DTWD2: variants seen among roughly 807,000 people sequenced by gnomAD.
The protein encoded by DTWD2 is tRNA-uridine aminocarboxypropyltransferase 2.
DTWD2 carries 39 observed loss-of-function variants against 31.8 expected under a neutral mutation model. That is an observed-to-expected ratio of 1.22 (90% confidence interval 0.95 to 1.60). The LOEUF is 1.60. DTWD2 is among the 40% of genes most tolerant of loss of function. The pLI is 0.00. For missense variants in DTWD2, 515 were observed against 381.5 expected (o/e 1.35, Z -2.92); for synonymous variants, 180 against 142.8 (o/e 1.26, Z -1.86).
At chr5:118,868,487 G>A (rs537447802) in intron 4 of DTWD2, among the ~76,000 whole-genome samples, 9 of 152,238 alleles carry the variant, frequency 5.9e-5, no homozygotes, top group Non-Finnish European at 2.9e-5. Flanking sequence ...CACAGAATGG[G>A]AGAAAATATT....
At chr5:118,864,990 T>C (rs997562292) in intron 4 of DTWD2, among the ~76,000 whole-genome samples, 1 of 152,090 alleles carries the variant, frequency 6.6e-6, no homozygotes. Flanking sequence ...AAAGTGTTAA[T>C]GAAAGCAAAT....
intron 4 of DTWD2, among the ~76,000 whole-genome samples, chr5:118,862,485 G>C (rs1233040936): frequency 6.6e-6 from 1 of 152,030 alleles, no homozygotes; most frequent in African/African-American, 2.4e-5. Context: ...TTACTTTATT[G>C]TCTTTGTTTA....
intron 4 of DTWD2, among the ~76,000 whole-genome samples, chr5:118,875,299 T>C (rs888031677): frequency 1.3e-5 from 2 of 151,794 alleles, no homozygotes; most frequent in Non-Finnish European, 2.9e-5. Context: ...CATAAACAAG[T>C]CTGCAAAATA....
chr5:118,953,567 A>G (rs1754514110), intron 1 of DTWD2, among the ~76,000 whole-genome samples: 1 of 152,214 alleles, frequency 6.6e-6, no homozygotes, highest in African/African-American at 2.4e-5. Context: ...CATATGGACT[A>G]GAGACCTATA....
chr5:118,969,068 A>T (rs1212742780), intron 1 of DTWD2, among the ~76,000 whole-genome samples: 2 of 152,042 alleles, frequency 1.3e-5, no homozygotes, highest in Non-Finnish European at 2.9e-5. Context: ...CTGCTCCTCT[A>T]AGTGGGACCC....
Position 118,836,687 on chromosome 5 carries a change from G to A in DTWD2, c.*4230C>T. Among the ~76,000 whole-genome samples, 1 of 152,208 alleles carries A rather than the reference G, an allele frequency of 6.6e-6. No homozygotes were observed. The highest frequency in any genetic ancestry group is 1.5e-5 in the Non-Finnish European group (1 of 68,046). ...AATTCCCGAGGTATAGTATTAGGAA[G>A]TGGAACCTTTGGGGGATGATTAGGT... On this transcript the variant is annotated 3_prime_UTR_variant, in exon 6 of 6. Transcript: ENST00000510708.
intron 1 of DTWD2, among the ~76,000 whole-genome samples, chr5:118,957,226 AT>A (rs913843045): frequency 1.4e-4 from 20 of 147,740 alleles, no homozygotes; most frequent in Admixed American, 2.0e-4. Flanking sequence ...TACTGTTGTG[AT>A]TTTTTTTTTT....
chr5:118,926,530 G>C (rs1379193715), intron 4 of DTWD2, among the ~76,000 whole-genome samples: 1 of 151,948 alleles, frequency 6.6e-6, no homozygotes, highest in African/African-American at 2.4e-5. Flanking sequence ...TACCCCAAAA[G>C]CTATTGAAAT....
intron 4 of DTWD2, among the ~76,000 whole-genome samples, chr5:118,867,185 T>C (rs1408901249): frequency 6.6e-6 from 1 of 152,054 alleles, no homozygotes; most frequent in Non-Finnish European, 1.5e-5. Context: ...AATAGAATAA[T>C]GGAATGAGGT....
At chr5:118,844,079 G>A (rs540409717) in intron 5 of DTWD2, among the ~76,000 whole-genome samples, 87 of 152,328 alleles carry the variant, frequency 5.7e-4, no homozygotes, top group African/African-American at 1.9e-3. Flanking sequence ...AATCAGCAGA[G>A]GTCCTCAGGG....
At chr5:118,844,827 A>G (rs922135024) in intron 5 of DTWD2, among the ~76,000 whole-genome samples, 28 of 152,300 alleles carry the variant, frequency 1.8e-4, no homozygotes, top group Middle Eastern at 3.4e-3. Context: ...TATAGAATGA[A>G]GCCAAGTGAA....
At chr5:118,956,801 A>G (rs1341297709) in intron 1 of DTWD2, among the ~76,000 whole-genome samples, 1 of 152,222 alleles carries the variant, frequency 6.6e-6, no homozygotes. Context: ...AACATAGCGA[A>G]AAAGCAAAGA....
chr5:118,979,846 C>T (rs1235193295), intron 1 of DTWD2, among the ~76,000 whole-genome samples: 1 of 152,160 alleles, frequency 6.6e-6, no homozygotes, highest in African/African-American at 2.4e-5. Context: ...TGGGGCCTGT[C>T]AGGAGGGCAG....
chr5:118,866,865 C>T (rs2376855), intron 4 of DTWD2, among the ~76,000 whole-genome samples: 1 of 151,214 alleles, frequency 6.6e-6, no homozygotes, highest in East Asian at 1.9e-4. Flanking sequence ...TGCAGTGAGC[C>T]AAGATCATGC....
chr5:118,856,487 G>A (rs1246631892), intron 4 of DTWD2, among the ~76,000 whole-genome samples: 1 of 152,126 alleles, frequency 6.6e-6, no homozygotes, highest in Admixed American at 6.5e-5. Flanking sequence ...GTACAAGAGT[G>A]TCACTACAGT....
intron 1 of DTWD2, among the ~76,000 whole-genome samples, chr5:118,954,843 G>A (rs147503827): frequency 3.0e-4 from 46 of 152,044 alleles, no homozygotes; most frequent in African/African-American, 1.0e-3. Flanking sequence ...TTTACATTCC[G>A]TCTTCTCTAA....
At chr5:118,842,989 T>C (rs2112667691) in intron 5 of DTWD2, among the ~76,000 whole-genome samples, 1 of 147,894 alleles carries the variant, frequency 6.8e-6, no homozygotes, top group African/African-American at 2.5e-5. Flanking sequence ...TGGAGTCTTG[T>C]TCTGTCACCC....
chr5:118,949,226 G>A (rs1044182482), intron 1 of DTWD2, among the ~76,000 whole-genome samples: 2 of 152,136 alleles, frequency 1.3e-5, no homozygotes, highest in Admixed American at 6.6e-5. Context: ...CATGAGAAAC[G>A]GCTTGACTGA....
intron 1 of DTWD2, among the ~76,000 whole-genome samples, chr5:118,949,725 C>T (rs1335090964): frequency 6.6e-6 from 1 of 151,938 alleles, no homozygotes; most frequent in African/African-American, 2.4e-5. Context: ...AGAGGTGTCT[C>T]ATACTTGTGG....
Sources: gnomAD v4.1 joint callset for allele counts (sites outside exome capture counted in the v4.1 genomes callset) on GRCh38, gnomAD v4.1.1 for gene constraint, MANE v1.5 for transcripts, NCBI Gene and HGNC (gene_info 2026-07-23, HGNC 2026-07-21) for gene names.